Variants in HDAC9 observed in about 807,000 individuals in gnomAD.
HDAC9 encodes the protein MEF-2 interacting transcription repressor (MITR) protein.
In HDAC9, 41 loss-of-function variants were observed where a neutral mutation model predicts 139.4. The observed-to-expected ratio is 0.29, with a 90% confidence interval of 0.23 to 0.38. The LOEUF is 0.38. HDAC9 is among the 10% of genes least tolerant of loss of function. The probability of loss-of-function intolerance (pLI) is 1.00; values close to 1 mark genes in which losing one functional copy is unlikely to be tolerated. For synonymous variants in HDAC9, 517 were observed against 476.2 expected (o/e 1.09, Z -1.12); for missense variants, 1,147 against 1,297.0 (o/e 0.88, Z 1.78).
chr7:18,498,087 A>G (rs1027727433), intron 2 of HDAC9, among the ~76,000 whole-genome samples: 5 of 152,178 alleles, frequency 3.3e-5, no homozygotes, highest in Non-Finnish European at 5.9e-5. Context: ...GCAGCTAGCT[A>G]TTAAATGAAA....
chr7:18,530,002 G>T (rs1808331458), intron 2 of HDAC9, among the ~76,000 whole-genome samples: 1 of 152,034 alleles, frequency 6.6e-6, no homozygotes, highest in South Asian at 2.1e-4. Flanking sequence ...CGGGCACGGT[G>T]GTTCACTTCC....
intron 17 of HDAC9, among the ~76,000 whole-genome samples, chr7:18,818,484 C>T (rs1365909868): frequency 6.6e-6 from 1 of 152,152 alleles, no homozygotes; most frequent in East Asian, 1.9e-4. Context: ...ACAATCATCT[C>T]ATCTCTTGTC....
intron 23 of HDAC9, among the ~76,000 whole-genome samples, chr7:18,937,820 A>T (rs1032129787): frequency 6.6e-6 from 1 of 152,202 alleles, no homozygotes; most frequent in African/African-American, 2.4e-5. Context: ...TTTTCTTCCT[A>T]TGTGGAAGGA....
intron 1 of HDAC9, chr7:18,429,318 T>C (rs1394914081): frequency 6.6e-6 from 1 of 152,182 alleles, no homozygotes; most frequent in Admixed American, 6.5e-5. Flanking sequence ...TGCCTCTACT[T>C]TCTTCTCATG....
intron 1 of HDAC9, among the ~76,000 whole-genome samples, chr7:18,465,789 C>T (rs1794219918): frequency 6.6e-6 from 1 of 152,134 alleles, no homozygotes; most frequent in Non-Finnish European, 1.5e-5. Context: ...CTACCCCTTT[C>T]CACTTCTATC....
chr7:18,705,267 A>G (rs1783796419), intron 12 of HDAC9, among the ~76,000 whole-genome samples: 1 of 152,106 alleles, frequency 6.6e-6, no homozygotes, highest in African/African-American at 2.4e-5. Context: ...TCTTCTGTTC[A>G]TTGTGGTATT....
chr7:18,126,786 T>C (rs1405575554), intron 1 of HDAC9, among the ~76,000 whole-genome samples: 1 of 152,128 alleles, frequency 6.6e-6, no homozygotes, highest in East Asian at 1.9e-4. Flanking sequence ...CTAAACATTT[T>C]CCCCAAATCA....
Position 18,728,675 on chromosome 7 carries a change from A to G in HDAC9, c.1909+918A>G, listed in dbSNP as rs1427362700. On this transcript the variant is annotated intron_variant, in intron 13 of 25. Transcript: ENST00000686413. ...AGTTCTCTGATTTATTTTAAAATCC[A>G]TTTTCAGGATTCAGAGCTTGTTTTT... 2.6e-5 allele frequency among the ~76,000 whole-genome samples: 4 copies of G among 152,138 alleles called. No homozygotes were observed. The East Asian group carries it at 7.7e-4, about 29-fold the overall frequency.
chr7:18,955,000 ATATT>A (rs761193798), intron 24 of HDAC9, among the ~76,000 whole-genome samples: 3 of 152,072 alleles, frequency 2.0e-5, no homozygotes, highest in Non-Finnish European at 4.4e-5. Context: ...GATACTGTGA[ATATT>A]TACACATCAG....
At chr7:18,122,378 C>T (rs17663215) in intron 1 of HDAC9, among the ~76,000 whole-genome samples, 2 of 152,062 alleles carry the variant, frequency 1.3e-5, no homozygotes, top group South Asian at 2.1e-4. Flanking sequence ...TCAGACACAG[C>T]GCTGGGAAAT....
chr7:18,746,717 T>A (rs566547423), intron 13 of HDAC9, among the ~76,000 whole-genome samples: 5,134 of 152,290 alleles, frequency 0.034, 285 homozygotes, highest in African/African-American at 0.12. Context: ...CATTAAAACA[T>A]ATTTTTTGAG....
rs561209815 is a variant in HDAC9, at chr7:18,379,437, A to G, written c.-42+88922A>G. ...TTGTGAGCATCTTTTCAGGGAAATC[A>G]ATACTAGTTTTTTCTTGAATCCTTG... On this transcript the variant is annotated intron_variant, in intron 1 of 3. Coordinates refer to the HDAC9 transcript ENST00000413509. Among the ~76,000 whole-genome samples the G allele has an allele frequency of 2.0e-5, 3 of 152,298 alleles. No homozygotes were observed. In the South Asian group the frequency reaches 6.2e-4, roughly 32 times the overall value.
chr7:18,168,926 T>TGTGTGTGTGC (rs1407586998), intron 2 of HDAC9, among the ~76,000 whole-genome samples: 25 of 130,042 alleles, frequency 1.9e-4, no homozygotes, highest in African/African-American at 4.1e-4. Flanking sequence ...TGTGTGTGTG[T>TGTGTGTGTGC]GCGCGCATGT....
intron 1 of HDAC9, among the ~76,000 whole-genome samples, chr7:18,443,392 T>C (rs1791970797): frequency 6.6e-6 from 1 of 152,152 alleles, no homozygotes; most frequent in Non-Finnish European, 1.5e-5. Flanking sequence ...CTCTTGTAAA[T>C]ACCAGATTGG....
intron 16 of HDAC9, among the ~76,000 whole-genome samples, chr7:18,788,093 C>T (rs1050005894): frequency 5.3e-5 from 8 of 152,112 alleles, no homozygotes; most frequent in African/African-American, 1.9e-4. Context: ...TCTGCACCAC[C>T]TGACTCTTCC....
At chr7:18,665,176 T>A (rs1794480454) in intron 11 of HDAC9, among the ~76,000 whole-genome samples, 1 of 152,138 alleles carries the variant, frequency 6.6e-6, no homozygotes, top group Non-Finnish European at 1.5e-5. Flanking sequence ...AAATCTGCAT[T>A]CATGTTTATG....
intron 25 of HDAC9, among the ~76,000 whole-genome samples, chr7:18,994,335 T>C (rs1221884708): frequency 6.6e-6 from 1 of 152,246 alleles, no homozygotes; most frequent in East Asian, 1.9e-4. Context: ...TATATATTTA[T>C]GTATGAATTA....
intron 1 of HDAC9, among the ~76,000 whole-genome samples, chr7:18,435,792 ATACTT>A (rs1419286931): frequency 1.3e-5 from 2 of 151,656 alleles, no homozygotes; most frequent in Non-Finnish European, 2.9e-5. Flanking sequence ...GAATATATCT[ATACTT>A]TAGAATGGAA....
chr7:18,393,864 C>G (rs1182957034), intron 1 of HDAC9, among the ~76,000 whole-genome samples: 3 of 152,188 alleles, frequency 2.0e-5, no homozygotes, highest in Non-Finnish European at 4.4e-5. Context: ...AAAAGCCACG[C>G]ACGGAACAAT....
Sources: gnomAD v4.1 joint callset for allele counts (sites outside exome capture counted in the v4.1 genomes callset) on GRCh38, gnomAD v4.1.1 for gene constraint, MANE v1.5 for transcripts, NCBI Gene and HGNC (gene_info 2026-07-23, HGNC 2026-07-21) for gene names.